CHSY3: variants seen among roughly 807,000 people sequenced by gnomAD.
CHSY3 encodes N-acetylgalactosaminyl-proteoglycan 3-beta-glucuronosyltransferase 3.
CHSY3 carries 35 observed loss-of-function variants against 67.2 expected under a neutral mutation model. The observed-to-expected ratio is 0.52, with a 90% CI of 0.40 to 0.69. The LOEUF (loss-of-function observed/expected upper bound fraction) is 0.69. CHSY3 is among the 30% of genes least tolerant of loss of function. The pLI is 0.00. For missense variants in CHSY3, 1,069 were observed against 1,138.5 expected (o/e 0.94, Z 0.88); for synonymous variants, 474 against 434.7 (o/e 1.09, Z -1.12).
At chr5:130,059,680 G>T (rs890609619) in intron 2 of CHSY3, among the ~76,000 whole-genome samples, 6 of 152,148 alleles carry the variant, frequency 3.9e-5, no homozygotes, top group African/African-American at 1.2e-4. Flanking sequence ...GGGGTGGGTG[G>T]ACATGTTTTA....
intron 2 of CHSY3, among the ~76,000 whole-genome samples, chr5:130,073,984 T>G (rs1580707073): frequency 6.6e-6 from 1 of 152,190 alleles, no homozygotes; most frequent in African/African-American, 2.4e-5. Flanking sequence ...TACCTGACTT[T>G]TTCTTTTCTT....
At chr5:130,025,076 C>T (rs1054199023) in intron 2 of CHSY3, among the ~76,000 whole-genome samples, 2 of 152,014 alleles carry the variant, frequency 1.3e-5, no homozygotes, top group African/African-American at 4.8e-5. Context: ...TTTCATATAA[C>T]ACATTTTTCT....
At chr5:130,162,453 C>G (rs916261222) in intron 2 of CHSY3, among the ~76,000 whole-genome samples, 2 of 152,136 alleles carry the variant, frequency 1.3e-5, no homozygotes, top group African/African-American at 4.8e-5. Context: ...AGTACAATGA[C>G]CTTCCTTATG....
At chr5:130,132,213 A>G (rs1768504651) in intron 2 of CHSY3, among the ~76,000 whole-genome samples, 1 of 152,202 alleles carries the variant, frequency 6.6e-6, no homozygotes, top group Admixed American at 6.5e-5. Context: ...GCATTTAAGA[A>G]ATACTTGAGT....
chr5:130,058,788 C>A (rs1022798371), intron 2 of CHSY3, among the ~76,000 whole-genome samples: 1 of 152,204 alleles, frequency 6.6e-6, no homozygotes, highest in African/African-American at 2.4e-5. Context: ...GGAGGCCAGA[C>A]GTCTGAAAGC....
chr5:129,912,268 A>G (rs977599344), intron 2 of CHSY3, among the ~76,000 whole-genome samples: 2 of 152,186 alleles, frequency 1.3e-5, no homozygotes, highest in Admixed American at 1.3e-4. Flanking sequence ...CATAAGGAAA[A>G]AAATTACAGT....
intron 2 of CHSY3, among the ~76,000 whole-genome samples, chr5:129,960,933 C>T (rs1204233835): frequency 6.6e-6 from 1 of 152,056 alleles, no homozygotes; most frequent in Non-Finnish European, 1.5e-5. Flanking sequence ...TTCCAAGTTA[C>T]TCTGAAAGCC....
intron 2 of CHSY3, among the ~76,000 whole-genome samples, chr5:130,097,944 C>T (rs1767104620): frequency 6.6e-6 from 1 of 152,078 alleles, no homozygotes. Context: ...GCAGAGCTTG[C>T]AGTGAGCCGA....
chr5:130,008,990 A>G (rs1289342644), intron 2 of CHSY3, among the ~76,000 whole-genome samples: 3 of 151,814 alleles, frequency 2.0e-5, no homozygotes, highest in African/African-American at 7.3e-5. Flanking sequence ...CCTATGACTC[A>G]TTGGCATCCC....
intron 2 of CHSY3, among the ~76,000 whole-genome samples, chr5:130,031,476 T>G (rs1230567699): frequency 6.6e-6 from 1 of 152,136 alleles, no homozygotes; most frequent in Non-Finnish European, 1.5e-5. Context: ...ATTGGGAAAT[T>G]TCCAAGATGG....
In CHSY3 at chr5:130,185,565, T is replaced by C; in HGVS notation, c.2423T>C (p.Val808Ala). 1 of 1,614,140 alleles carries C rather than the reference T, an allele frequency of 6.2e-7. No homozygotes were observed. Among genetic ancestry groups the C allele is most frequent in the Non-Finnish European group, 8.5e-7 (1 of 1,179,976 alleles). ...TSIQGWGLED[V>A]DLYNKVILSG... ...ATACAAGGCTGGGGACTAGAAGATG[T>C]AGATCTCTACAATAAAGTCATTCTA... The change falls in exon 3 of 3, where the codon GTA becomes GCA. Residue 808 changes from valine (V) to alanine (A), a missense_variant. Coordinates refer to ENST00000305031, the MANE Select transcript of CHSY3 (RefSeq NM_175856.5).
At chr5:130,089,985 G>A (rs1026888680) in intron 2 of CHSY3, among the ~76,000 whole-genome samples, 1 of 152,138 alleles carries the variant, frequency 6.6e-6, no homozygotes, top group African/African-American at 2.4e-5. Flanking sequence ...ACAGTAGAGG[G>A]AACGCATCTT....
At chr5:130,044,733 G>T (rs1561511013) in intron 2 of CHSY3, among the ~76,000 whole-genome samples, 2 of 152,130 alleles carry the variant, frequency 1.3e-5, no homozygotes, top group Non-Finnish European at 2.9e-5. Context: ...GTTAGGACTA[G>T]GGTATCATTA....
chr5:130,141,358 G>C, intron 2 of CHSY3: 1 of 378,398 alleles, frequency 2.6e-6, no homozygotes, highest in Non-Finnish European at 5.3e-6. Context: ...ATCAAGGAGA[G>C]AGTGCCATGA....
At chr5:130,087,231 G>T (rs1455808305) in intron 2 of CHSY3, among the ~76,000 whole-genome samples, 1 of 151,964 alleles carries the variant, frequency 6.6e-6, no homozygotes, top group Non-Finnish European at 1.5e-5. Flanking sequence ...AATAATAAGA[G>T]CTATCTGTGA....
chr5:129,907,461 A>C (rs1760351563), intron 1 of CHSY3, among the ~76,000 whole-genome samples: 1 of 152,178 alleles, frequency 6.6e-6, no homozygotes, highest in African/African-American at 2.4e-5. Flanking sequence ...TTTAGCTGCA[A>C]AATTTTATTT....
At chr5:130,114,412 C>T (rs1580745749) in intron 2 of CHSY3, 1 of 152,032 alleles carries the variant, frequency 6.6e-6, no homozygotes, top group East Asian at 1.9e-4. Flanking sequence ...AGTCTACGGC[C>T]ATACCACCAT....
chr5:130,039,459 C>G (rs1764950341), intron 2 of CHSY3, among the ~76,000 whole-genome samples: 1 of 152,130 alleles, frequency 6.6e-6, no homozygotes, highest in Non-Finnish European at 1.5e-5. Context: ...CCACTGCACT[C>G]TAGCCTGGGT....
At chr5:130,123,984 G>A (rs1227947773) in intron 2 of CHSY3, among the ~76,000 whole-genome samples, 2 of 138,826 alleles carry the variant, frequency 1.4e-5, no homozygotes, top group African/African-American at 2.8e-5. Flanking sequence ...AGCTTGCAGT[G>A]AGCCGAGATC....
Sources: allele counts gnomAD v4.1 joint callset (sites outside exome capture counted in the v4.1 genomes callset), GRCh38; gene constraint gnomAD v4.1.1; transcripts MANE v1.5; gene names NCBI Gene and HGNC (gene_info 2026-07-23, HGNC 2026-07-21).